NPAS3: variants seen among roughly 807,000 people sequenced by gnomAD.
The protein encoded by NPAS3 is neuronal PAS domain-containing protein 3.
NPAS3 carries 14 observed loss-of-function variants against 73.1 expected under a neutral mutation model. The observed-to-expected ratio is 0.19, with a 90% CI of 0.13 to 0.30. The LOEUF (loss-of-function observed/expected upper bound fraction) is 0.30, where lower values mean the gene tolerates loss of function less well. Ranked by LOEUF, NPAS3 falls within the 10% of genes least tolerant of loss-of-function variation. NPAS3 has a pLI of 1.00. For synonymous variants in NPAS3, 620 were observed against 541.5 expected (o/e 1.14, Z -2.01); for missense variants, 1,096 against 1,250.0 (o/e 0.88, Z 1.86).
intron 3 of NPAS3, among the ~76,000 whole-genome samples, chr14:33,340,707 T>C (rs2044436219): frequency 6.6e-6 from 1 of 152,228 alleles, no homozygotes; most frequent in African/African-American, 2.4e-5. Flanking sequence ...CGATCAGCTC[T>C]GTAAAATTCT....
intron 6 of NPAS3, among the ~76,000 whole-genome samples, chr14:33,728,027 T>G (rs1006677658): frequency 2.0e-5 from 3 of 152,180 alleles, no homozygotes; most frequent in African/African-American, 7.2e-5. Flanking sequence ...TTAGTAGTTG[T>G]GTATAGAAAC....
At chr14:33,244,794 G>T (rs1303332803) in intron 3 of NPAS3, among the ~76,000 whole-genome samples, 1 of 152,158 alleles carries the variant, frequency 6.6e-6, no homozygotes, top group African/African-American at 2.4e-5. Context: ...ACTCAGCAAG[G>T]CATGAGTAAA....
At chr14:32,984,624 T>G (rs2038028220) in intron 1 of NPAS3, among the ~76,000 whole-genome samples, 1 of 152,196 alleles carries the variant, frequency 6.6e-6, no homozygotes, top group Admixed American at 6.6e-5. Context: ...AACAACATTA[T>G]CAGTGAATTG....
chr14:33,079,711 A>C (rs1431820784), intron 2 of NPAS3, among the ~76,000 whole-genome samples: 1 of 138,830 alleles, frequency 7.2e-6, no homozygotes. Context: ...TCCCAGGTTC[A>C]AGTGATTCTC....
At chr14:33,071,528 A>T (rs2041485079) in intron 2 of NPAS3, among the ~76,000 whole-genome samples, 4 of 152,238 alleles carry the variant, frequency 2.6e-5, no homozygotes, top group Admixed American at 2.6e-4. Flanking sequence ...ACAACTAATC[A>T]TTAAGATTAT....
intron 2 of NPAS3, among the ~76,000 whole-genome samples, chr14:33,086,624 G>A (rs2042033929): frequency 6.6e-6 from 1 of 152,142 alleles, no homozygotes; most frequent in Admixed American, 6.5e-5. Context: ...GGATTTATGA[G>A]TTCTTTTACC....
chr14:33,535,858 C>A (rs559828580), intron 4 of NPAS3, among the ~76,000 whole-genome samples: 1 of 152,268 alleles, frequency 6.6e-6, no homozygotes, highest in Non-Finnish European at 1.5e-5. Flanking sequence ...CAGTTTGAGC[C>A]TATTTTTCTA....
intron 4 of NPAS3, among the ~76,000 whole-genome samples, chr14:33,554,424 G>C (rs2055262195): frequency 6.6e-6 from 1 of 152,152 alleles, no homozygotes; most frequent in Admixed American, 6.5e-5. Context: ...CAGATGCATG[G>C]CACATTGGAC....
At chr14:33,250,963 A>T (rs1461013555) in intron 3 of NPAS3, among the ~76,000 whole-genome samples, 1 of 152,106 alleles carries the variant, frequency 6.6e-6, no homozygotes, top group Admixed American at 6.5e-5. Context: ...TATACTTCTC[A>T]AAAGGGGTAT....
chr14:33,256,733 A>G (rs1396982362), intron 3 of NPAS3, among the ~76,000 whole-genome samples: 1 of 152,238 alleles, frequency 6.6e-6, no homozygotes, highest in Admixed American at 6.5e-5. Flanking sequence ...AGACTTACAT[A>G]TTATTAATAG....
At chr14:33,524,427 T>C (rs2053700082) in intron 4 of NPAS3, among the ~76,000 whole-genome samples, 1 of 152,160 alleles carries the variant, frequency 6.6e-6, no homozygotes, top group African/African-American at 2.4e-5. Context: ...AACAACCTAA[T>C]AAAGTAGATA....
intron 7 of NPAS3, among the ~76,000 whole-genome samples, chr14:33,773,707 T>C (rs1353492478): frequency 5.3e-5 from 8 of 152,258 alleles, no homozygotes. Flanking sequence ...TAGTATGAGC[T>C]CCAGGGACAA....
chr14:33,420,225 C>T (rs1057436319), intron 4 of NPAS3, among the ~76,000 whole-genome samples: 3 of 151,890 alleles, frequency 2.0e-5, no homozygotes, highest in African/African-American at 7.2e-5. Context: ...TAAATTTCCT[C>T]ATCCTGGTGT....
chr14:33,377,448 T>G (rs987250092), intron 4 of NPAS3, among the ~76,000 whole-genome samples: 3 of 152,234 alleles, frequency 2.0e-5, no homozygotes, highest in Non-Finnish European at 4.4e-5. Context: ...ATTATGCTGG[T>G]GAAACGGTTT....
intron 5 of NPAS3, among the ~76,000 whole-genome samples, chr14:33,644,166 A>T (rs1245670909): frequency 6.6e-6 from 1 of 152,208 alleles, no homozygotes; most frequent in Non-Finnish European, 1.5e-5. Context: ...TAATATTTGC[A>T]TAATTTATTA....
chr14:33,152,491 T>C (rs1473565795), intron 2 of NPAS3, among the ~76,000 whole-genome samples: 1 of 152,172 alleles, frequency 6.6e-6, no homozygotes, highest in African/African-American at 2.4e-5. Flanking sequence ...TTTCTTTTTT[T>C]CTTCCCTCAC....
intron 5 of NPAS3, among the ~76,000 whole-genome samples, chr14:33,562,488 T>C (rs909400590): frequency 6.6e-6 from 1 of 152,206 alleles, no homozygotes; most frequent in Admixed American, 6.5e-5. Context: ...ATAGGAGACA[T>C]GGGCCTTCAT....
At chr14:33,329,344 A>G (rs2043872861) in intron 3 of NPAS3, among the ~76,000 whole-genome samples, 1 of 152,178 alleles carries the variant, frequency 6.6e-6, no homozygotes, top group Admixed American at 6.5e-5. Flanking sequence ...AGTGATAAGT[A>G]CGATGAAGAA....
intron 1 of NPAS3, among the ~76,000 whole-genome samples, chr14:32,963,242 G>A (rs1312971511): frequency 6.6e-6 from 1 of 152,126 alleles, no homozygotes; most frequent in Non-Finnish European, 1.5e-5. Flanking sequence ...GCTGTAATAG[G>A]CCCCATATTA....
Sources: allele counts gnomAD v4.1 joint callset (sites outside exome capture counted in the v4.1 genomes callset), GRCh38; gene constraint gnomAD v4.1.1; transcripts MANE v1.5; gene names NCBI Gene and HGNC (gene_info 2026-07-23, HGNC 2026-07-21).